The following OLA1 variants were observed in gnomAD, a reference collection of about 807,000 sequenced individuals.
OLA1 encodes Obg like ATPase 1, also known as obg-like ATPase 1.
OLA1 carries 14 observed loss-of-function variants against 48.4 expected under a neutral mutation model. That is an observed-to-expected ratio of 0.29 (90% CI 0.19 to 0.45). The LOEUF is 0.45. OLA1 is among the 20% of genes least tolerant of loss of function. The pLI is 1.00. For synonymous variants in OLA1, 127 were observed against 150.4 expected (o/e 0.84, Z 1.14); for missense variants, 325 against 467.1 (o/e 0.70, Z 2.80).
chr2:174,225,909 T>C lies in OLA1; in HGVS notation c.246-2749A>G, dbSNP rs965060172. 9.5e-5 allele frequency among the ~76,000 whole-genome samples: 11 copies of C among 115,240 alleles called. 3 individuals are homozygous for C. The highest frequency in any genetic ancestry group is 3.3e-4 in the African/African-American group (11 of 33,430). The allele number at this position is 115,240 out of a possible 152,430, so 75.6% of individuals were successfully genotyped here. A position where few individuals can be genotyped will look rare whatever the true frequency, so the allele number is the denominator to read the frequency against. ...TTCTATTTTCTATTGAAAATGAGCT[T>C]CTCGGCCGGGCGCGGTGGCTCACGC... On this transcript the variant is annotated intron_variant, in intron 3 of 10. Coordinates refer to ENST00000284719, the MANE Select transcript of OLA1 (RefSeq NM_013341.5).
At chr2:174,185,249 C>T (rs982690370) in intron 4 of OLA1, among the ~76,000 whole-genome samples, 1 of 152,186 alleles carries the variant, frequency 6.6e-6, no homozygotes, top group Non-Finnish European at 1.5e-5. Context: ...AAAAGTATCA[C>T]ATACCAATTC....
chr2:174,212,441 T>C lies in OLA1; in HGVS notation c.373+10592A>G, dbSNP rs539022200. 1.9e-3 allele frequency among the ~76,000 whole-genome samples: 283 copies of C among 152,356 alleles called. 1 individual carries two copies. The highest frequency in any genetic ancestry group is 6.5e-3 in the African/African-American group (271 of 41,588). On this transcript the variant is annotated intron_variant, in intron 4 of 10. Transcript: ENST00000284719. Reference sequence around the variant, plus strand: ...TGAGTGGTGAGTGAATGTGAATGACTGGAACATTGACATAGACAAGTGTAG... The same window carrying C: ...TGAGTGGTGAGTGAATGTGAATGACCGGAACATTGACATAGACAAGTGTAG...
intron 2 of OLA1, among the ~76,000 whole-genome samples, chr2:174,238,671 A>T (rs1283141330): frequency 6.6e-6 from 1 of 152,194 alleles, no homozygotes; most frequent in Non-Finnish European, 1.5e-5. Context: ...AGTCCTCAAT[A>T]GTTAAATATA....
rs541367947 is a variant in OLA1 at position 174,153,902 on chromosome 2, T to C, written c.374-11902A>G. ...TTTGTTTTGAGGTGGGGTCTTGTTC[T>C]GTTGCCCAGGCTGGAGTGCAGTGGC... On this transcript the variant is annotated intron_variant, in intron 4 of 10. Coordinates refer to ENST00000284719, the MANE Select transcript of OLA1 (RefSeq NM_013341.5). Among the ~76,000 whole-genome samples, 284 of 152,340 alleles carry C rather than the reference T, an allele frequency of 1.9e-3. 1 individual carries two copies. The highest frequency in any genetic ancestry group is 6.5e-3 in the African/African-American group (272 of 41,580).
rs746089892 is a variant in OLA1 at position 174,229,483 on chromosome 2, CTTAGG to C, written c.102-37_102-33del. Reference sequence around the variant, plus strand: ...CAAATAAAAGCAATTTCAATCAATTCTTAGGTTAACACCAAGAAAAATTTATCTCA... The same window carrying C: ...CAAATAAAAGCAATTTCAATCAATTCTTAACACCAAGAAAAATTTATCTCA... On this transcript the variant is annotated intron_variant, in intron 2 of 10. Coordinates refer to ENST00000284719, the MANE Select transcript of OLA1 (RefSeq NM_013341.5). The C allele has an allele frequency of 5.1e-6, 8 of 1,567,156 alleles. No individual in the cohort carries two copies. The African/African-American group carries it at 1.1e-4, about 21-fold the overall frequency.
chr2:174,226,030 TAAAA>T (rs1195272670), intron 3 of OLA1, among the ~76,000 whole-genome samples: 1 of 98,886 alleles, frequency 1.0e-5, no homozygotes, highest in Admixed American at 1.0e-4. Flanking sequence ...CCGTCTCTAC[TAAAA>T]AAAAATACAA....
intron 7 of OLA1, among the ~76,000 whole-genome samples, chr2:174,087,375 C>G (rs1314233589): frequency 2.6e-5 from 4 of 152,008 alleles, no homozygotes; most frequent in African/African-American, 9.7e-5. Flanking sequence ...CCAATTTTTT[C>G]TGATTATTGT....
chr2:174,136,208 T>C (rs1406369904), intron 5 of OLA1, among the ~76,000 whole-genome samples: 1 of 152,140 alleles, frequency 6.6e-6, no homozygotes, highest in Non-Finnish European at 1.5e-5. Flanking sequence ...GCCATATCAA[T>C]CAACTCTTCC....
chr2:174,230,779 T>A (rs1412336628), intron 2 of OLA1, among the ~76,000 whole-genome samples: 1 of 152,130 alleles, frequency 6.6e-6, no homozygotes, highest in East Asian at 1.9e-4. Flanking sequence ...TCCTTCTGGA[T>A]GAGATGTAGA....
intron 4 of OLA1, among the ~76,000 whole-genome samples, chr2:174,191,641 T>C (rs1687780469): frequency 6.6e-6 from 1 of 152,122 alleles, no homozygotes; most frequent in Non-Finnish European, 1.5e-5. Flanking sequence ...TTTTAAAATT[T>C]GTGTAGATAT....
At chr2:174,230,136 C>T (rs752841733) in intron 2 of OLA1, among the ~76,000 whole-genome samples, 1 of 151,750 alleles carries the variant, frequency 6.6e-6, no homozygotes, top group African/African-American at 2.4e-5. Flanking sequence ...AGCCCACTCA[C>T]GTTAACATTT....
chr2:174,205,312 A>G (rs1194344478), intron 4 of OLA1, among the ~76,000 whole-genome samples: 1 of 152,194 alleles, frequency 6.6e-6, no homozygotes, highest in Admixed American at 6.5e-5. Context: ...AGTTAGGAAA[A>G]TGGGCGGAGA....
intron 7 of OLA1, among the ~76,000 whole-genome samples, chr2:174,114,267 G>A (rs1481371207): frequency 3.5e-5 from 5 of 142,404 alleles, no homozygotes; most frequent in East Asian, 2.1e-4. Context: ...GCGTGAACCC[G>A]GGAGGAGGAG....
At chr2:174,230,065 A>T (rs1477651076) in intron 2 of OLA1, among the ~76,000 whole-genome samples, 8 of 152,236 alleles carry the variant, frequency 5.3e-5, no homozygotes, top group Non-Finnish European at 1.0e-4. Context: ...TTAATATGGA[A>T]TAAACTAGTC....
At chr2:174,148,633 C>T (rs138727091) in intron 4 of OLA1, among the ~76,000 whole-genome samples, 40 of 152,302 alleles carry the variant, frequency 2.6e-4, no homozygotes, top group African/African-American at 9.1e-4. Context: ...CTTGACTTCC[C>T]TCACATTTCT....
chr2:174,188,967 T>A (rs778020235), intron 4 of OLA1, among the ~76,000 whole-genome samples: 23 of 152,200 alleles, frequency 1.5e-4, no homozygotes, highest in Non-Finnish European at 3.1e-4. Context: ...TATTACTATA[T>A]CTTAATTATA....
chr2:174,245,656 A>G (rs961271377), intron 2 of OLA1, among the ~76,000 whole-genome samples: 6 of 152,090 alleles, frequency 3.9e-5, no homozygotes, highest in Non-Finnish European at 7.4e-5. Flanking sequence ...CACTTTGGGA[A>G]GCCAAGGCAG....
intron 4 of OLA1, among the ~76,000 whole-genome samples, chr2:174,210,211 G>A (rs1256248994): frequency 1.3e-5 from 2 of 152,066 alleles, no homozygotes; most frequent in African/African-American, 2.4e-5. Flanking sequence ...TTTAATTACT[G>A]AAAACGAATA....
chr2:174,113,724 A>G (rs966308985), intron 7 of OLA1, among the ~76,000 whole-genome samples: 4 of 152,186 alleles, frequency 2.6e-5, no homozygotes, highest in Admixed American at 2.6e-4. Context: ...TGCTGACGTG[A>G]TATTTTCAAA....
Sources: allele counts gnomAD v4.1 joint callset (sites outside exome capture counted in the v4.1 genomes callset), GRCh38; gene constraint gnomAD v4.1.1; transcripts MANE v1.5; gene names NCBI Gene and HGNC (gene_info 2026-07-23, HGNC 2026-07-21).